The following TRMT44 variants were observed in gnomAD, a reference collection of about 807,000 sequenced individuals.
The protein encoded by TRMT44 is tRNA methyltransferase 44 homolog.
TRMT44 carries 78 observed loss-of-function variants against 77.3 expected under a neutral mutation model. That is an observed-to-expected ratio of 1.01 (90% CI 0.84 to 1.22). The LOEUF is 1.22. Ranked by LOEUF, TRMT44 falls within the 50% of genes most tolerant of loss-of-function variation. The pLI is 0.00. For missense variants in TRMT44, 1,090 were observed against 964.4 expected (o/e 1.13, Z -1.73); for synonymous variants, 391 against 383.3 (o/e 1.02, Z -0.23).
chr4:8,490,337 G>T (rs142623620), intron 2 of TRMT44, among the ~76,000 whole-genome samples: 1,614 of 151,986 alleles, frequency 0.011, 29 homozygotes, highest in African/African-American at 0.037. Flanking sequence ...AAGGTGGTGC[G>T]TCCGGAGTTT....
At chr4:8,494,636 T>C (rs2109240586), downstream of TRMT44, among the ~76,000 whole-genome samples, 1 of 152,266 alleles carries the variant, frequency 6.6e-6, no homozygotes, top group South Asian at 2.1e-4. Flanking sequence ...TCCCTAAAAA[T>C]GTATAAAAGC....
Position 8,452,851 on chromosome 4 carries a change from C to T in TRMT44, c.1024-31C>T. ...ATTCTTGCGTAGAGTGAATTACCACCTGACTTTGTTTTGTTTTTCTCTTCA... is the reference window on the plus strand; with the variant it reads ...ATTCTTGCGTAGAGTGAATTACCACTTGACTTTGTTTTGTTTTTCTCTTCA... On this transcript the variant is annotated intron_variant, in intron 4 of 10. Transcript: ENST00000389737. The surrounding 1 kb of genome is among the most constrained non-coding windows in gnomAD (Gnocchi z 5.7). 1 of 1,356,256 alleles carries T rather than the reference C, an allele frequency of 7.4e-7. No individual in the cohort carries two copies. The highest frequency in any genetic ancestry group is 2.1e-5 in the Admixed American group (1 of 46,552). 84.0% of individuals were successfully genotyped at this position (1,356,256 alleles called of 1,614,324 possible).
At chr4:8,513,651 A>T in the TRMT44 span, among the ~76,000 whole-genome samples, 4 of 152,268 alleles carry the variant, frequency 2.6e-5, no homozygotes, top group Non-Finnish European at 5.9e-5. Flanking sequence ...AAAGAATTGG[A>T]ACCTAGAATA....
Position 8,475,868 on chromosome 4 carries a change from G to T in TRMT44, c.2141G>T (p.Cys714Phe), listed in dbSNP as rs1727345169. 1.9e-6 allele frequency: 3 copies of T among 1,614,102 alleles called. No individual in the cohort carries two copies. The African/African-American group carries it at 4.0e-5, about 22-fold the overall frequency. The change falls in exon 11 of 11, where the codon TGC (cysteine) becomes TTC (phenylalanine). Residue 714 changes from cysteine (C) to phenylalanine (F), a missense_variant. Physicochemically the swap from Cys to Phe is radical, Grantham distance 205 (BLOSUM62 -2). Transcript: ENST00000389737. ...AAACAGAGACTGCTCTCTGAAGCCT[G>T]CAAAACCCGCCTCTGCTGGTTCTTC... is the stretch of plus-strand genomic sequence containing the variant. ...EAKQRLLSEA[C>F]KTRLCWFFMH... is the part of the protein sequence containing the mutation.
the TRMT44 span, among the ~76,000 whole-genome samples, chr4:8,511,162 T>C: frequency 0.82 from 125,453 of 152,220 alleles, 51,801 homozygotes; most frequent in East Asian, 0.92. Context: ...CTATGCTTAG[T>C]GATGTGGCAG....
At chr4:8,466,309 C>T (rs1157035379) in intron 8 of TRMT44, among the ~76,000 whole-genome samples, 2 of 152,158 alleles carry the variant, frequency 1.3e-5, no homozygotes, top group Admixed American at 6.5e-5. Context: ...TGCTGCTGCC[C>T]GTGGTGCACT....
downstream of TRMT44, among the ~76,000 whole-genome samples, chr4:8,480,094 C>T (rs1017821620): frequency 6.6e-6 from 1 of 151,944 alleles, no homozygotes; most frequent in Non-Finnish European, 1.5e-5. Context: ...TTAGGGGTGG[C>T]GAATATTTGA....
rs1727371135 is a variant in TRMT44, at chr4:8,476,159, C to G, written c.*158C>G. ...ACAGTGATGAACCGTATTTCATAAA[C>G]ATCACACGCCAGAGAAGCCACAGTT... On this transcript the variant is annotated 3_prime_UTR_variant, in exon 11 of 11. Transcript: ENST00000389737. 1 of 678,916 alleles carries G rather than the reference C, an allele frequency of 1.5e-6. No individual in the cohort carries two copies. Among genetic ancestry groups the G allele is most frequent in the African/African-American group, 1.8e-5 (1 of 55,306 alleles). The allele number at this position is 678,916 out of a possible 1,614,324, so 42.1% of individuals were successfully genotyped here.
downstream of TRMT44, chr4:8,478,608 G>A (rs1458603717): frequency 1.3e-5 from 2 of 152,782 alleles, no homozygotes; most frequent in East Asian, 1.9e-4. Flanking sequence ...TTGGCGGGGG[G>A]TGGAGCGGGG....
chr4:8,469,205 C>T lies in TRMT44; in HGVS notation c.1927+859C>T, dbSNP rs967097563. On this transcript the variant is annotated intron_variant, in intron 9 of 10. Transcript: ENST00000389737. ...GGCCATGGAGCATAGACGGCCCCTC[C>T]AGAAATCATTCGAACCTGATGGTAC... Among the ~76,000 whole-genome samples, 16 of 152,216 alleles carry T rather than the reference C, an allele frequency of 1.1e-4. 1 individual carries two copies. Among genetic ancestry groups the T allele is most frequent in the Admixed American group, 6.5e-4 (10 of 15,282 alleles).
chr4:8,475,716 A>G (rs1579088547), intron 10 of TRMT44, 56 bp from the exon 11 acceptor site: 15 of 1,556,974 alleles, frequency 9.6e-6, no homozygotes, highest in East Asian at 2.2e-5. Context: ...GAGGCTGGTG[A>G]ATTAAGGAAC....
At chr4:8,466,786 G>A (rs1726584678) in intron 8 of TRMT44, among the ~76,000 whole-genome samples, 1 of 152,190 alleles carries the variant, frequency 6.6e-6, no homozygotes. Flanking sequence ...CTTATCACTG[G>A]CAGGTTTGGG....
intron 10 of TRMT44, among the ~76,000 whole-genome samples, chr4:8,475,550 A>G (rs1051691727): frequency 6.6e-6 from 1 of 152,140 alleles, no homozygotes; most frequent in African/African-American, 2.4e-5. Context: ...CACTTCCCGC[A>G]GGGCTCACCT....
Position 8,444,345 on chromosome 4 carries a change from C to A in TRMT44, c.620-2131C>A, listed in dbSNP as rs533111584. On this transcript the variant is annotated intron_variant, in intron 1 of 10. Transcript: ENST00000389737. This position sits in a 1 kb window ranked among gnomAD's most constrained non-coding sequence, Gnocchi z 4.0. Reference sequence around the variant, plus strand: ...TACAAAAAAAATAGAATATGAATAACACCTAGTATATGATAGTCTAACAGG... The same window carrying A: ...TACAAAAAAAATAGAATATGAATAAAACCTAGTATATGATAGTCTAACAGG... Among the ~76,000 whole-genome samples the A allele has an allele frequency of 1.1e-3, 160 of 151,586 alleles. 1 individual carries two copies. The highest frequency in any genetic ancestry group is 3.6e-3 in the African/African-American group (150 of 41,288).
the TRMT44 span, among the ~76,000 whole-genome samples, chr4:8,507,874 C>A: frequency 4.0e-5 from 6 of 151,760 alleles, no homozygotes; most frequent in South Asian, 1.0e-3. Flanking sequence ...TTAGGTGTGG[C>A]CTCACATCTG....
At chr4:8,473,634 G>C (rs143104422) in intron 10 of TRMT44, 2 of 152,612 alleles carry the variant, frequency 1.3e-5, no homozygotes, top group African/African-American at 4.8e-5. Flanking sequence ...GAGTCCCAGG[G>C]GATGCGCACG....
Position 8,446,951 on chromosome 4 carries a change from T to A in TRMT44, c.734+361T>A, listed in dbSNP as rs1725098515. ...CCCAGGCTGGAGTGCATTGGTGCCA[T>A]CGCATTTCACTGCAACCTCTACCTC... is the stretch of plus-strand genomic sequence containing the variant. On this transcript the variant is annotated intron_variant, in intron 2 of 10. Coordinates refer to ENST00000389737, the MANE Select transcript of TRMT44 (RefSeq NM_152544.3). This position sits in a 1 kb window ranked among gnomAD's most constrained non-coding sequence, Gnocchi z 4.3. 6.6e-6 allele frequency among the ~76,000 whole-genome samples: 1 copy of A among 152,228 alleles called. No homozygotes were observed. The highest frequency in any genetic ancestry group is 2.4e-5 in the African/African-American group (1 of 41,456).
At chr4:8,480,361 C>A (rs921481831), downstream of TRMT44, among the ~76,000 whole-genome samples, 3 of 152,114 alleles carry the variant, frequency 2.0e-5, no homozygotes, top group African/African-American at 7.2e-5. Flanking sequence ...ACTTCTGGGG[C>A]CTTGTGTCCC....
At chr4:8,448,766 A>C (rs1725227958) in intron 2 of TRMT44, among the ~76,000 whole-genome samples, 2 of 152,146 alleles carry the variant, frequency 1.3e-5, no homozygotes, top group South Asian at 4.1e-4. Flanking sequence ...GTGGCAGAAA[A>C]CCTGGAAACC....
Sources: allele counts gnomAD v4.1 joint callset (sites outside exome capture counted in the v4.1 genomes callset), GRCh38; gene constraint gnomAD v4.1.1; non-coding constraint Gnocchi (gnomAD v3.1); transcripts MANE v1.5; gene names NCBI Gene and HGNC (gene_info 2026-07-23, HGNC 2026-07-21).